PSMA1: variants seen among roughly 807,000 people sequenced by gnomAD.
PSMA1 encodes proteasome 20S subunit alpha 1.
PSMA1 carries 3 observed loss-of-function variants against 38.4 expected under a neutral mutation model. That is an observed-to-expected ratio of 0.08 (90% confidence interval 0.04 to 0.20). The LOEUF (loss-of-function observed/expected upper bound fraction) is 0.20. PSMA1 is among the 10% of genes least tolerant of loss of function. PSMA1 has a pLI of 1.00. For missense variants in PSMA1, 227 were observed against 325.3 expected (o/e 0.70, Z 2.32); for synonymous variants, 101 against 107.1 (o/e 0.94, Z 0.35).
intron 4 of PSMA1, 29 bp downstream of exon 4, chr11:14,517,613 G>A (rs369380164): frequency 6.9e-7 from 1 of 1,449,542 alleles, no homozygotes; most frequent in Non-Finnish European, 9.3e-7. Flanking sequence ...GAAACAAAAA[G>A]GATGTTTATT....
At chr11:14,611,939 G>T (rs1463436712) in intron 1 of PSMA1, among the ~76,000 whole-genome samples, 1 of 152,106 alleles carries the variant, frequency 6.6e-6, no homozygotes, top group East Asian at 1.9e-4. Context: ...GTCTTTATTT[G>T]TGCTGAGTTT....
Position 14,505,905 on chromosome 11 carries a change from G to A in PSMA1, c.736-657C>T, listed in dbSNP as rs181950454. On this transcript the variant is annotated intron_variant, in intron 9 of 9. Transcript: ENST00000396394. ...CCTGTAGTTTCAGCTACTTGGTGGC[G>A]CGGGGGAAGGTAGGAGAATCGCTTG... Among the ~76,000 whole-genome samples, 288 of 152,242 alleles carry A rather than the reference G, an allele frequency of 1.9e-3. 2 individuals are homozygous for A. Among genetic ancestry groups the A allele is most frequent in the African/African-American group, 6.4e-3 (265 of 41,548 alleles).
intron 2 of PSMA1, among the ~76,000 whole-genome samples, chr11:14,589,391 ATG>A (rs1180635712): frequency 2.0e-5 from 3 of 149,630 alleles, no homozygotes; most frequent in South Asian, 2.1e-4. Flanking sequence ...GTGTATATAT[ATG>A]TGTGTGTATA....
At chr11:14,543,625 CCTT>C (rs1238141981) in intron 2 of PSMA1, among the ~76,000 whole-genome samples, 2 of 151,676 alleles carry the variant, frequency 1.3e-5, no homozygotes, top group Admixed American at 6.6e-5. Flanking sequence ...TTTTCTCTGT[CCTT>C]CTGCCATTTT....
intron 2 of PSMA1, among the ~76,000 whole-genome samples, chr11:14,598,261 G>T (rs1027919936): frequency 1.4e-4 from 22 of 152,256 alleles, no homozygotes; most frequent in African/African-American, 5.1e-4. Flanking sequence ...ATGACTATAA[G>T]GTCCGCTTGG....
intron 1 of PSMA1, among the ~76,000 whole-genome samples, chr11:14,633,607 C>T (rs562511082): frequency 5.3e-5 from 8 of 152,316 alleles, no homozygotes; most frequent in South Asian, 2.1e-4. Flanking sequence ...CTGTGCCCTG[C>T]CCCCAGAAGT....
chr11:14,559,243 G>T (rs1851981493), intron 2 of PSMA1, among the ~76,000 whole-genome samples: 1 of 152,146 alleles, frequency 6.6e-6, no homozygotes, highest in African/African-American at 2.4e-5. Context: ...CGAATACAAG[G>T]ATTTGCTGTG....
intron 7 of PSMA1, 64 bp downstream of exon 7, chr11:14,513,502 ATGTT>A (rs1442942887): frequency 2.5e-4 from 318 of 1,279,828 alleles, no homozygotes; most frequent in Non-Finnish European, 2.7e-4. Flanking sequence ...TTAGGATACT[ATGTT>A]TATTTACTAT....
At chr11:14,576,774 G>C (rs1427650913) in intron 2 of PSMA1, among the ~76,000 whole-genome samples, 1 of 152,142 alleles carries the variant, frequency 6.6e-6, no homozygotes, top group African/African-American at 2.4e-5. Flanking sequence ...CTCTGTTTTG[G>C]TTCCACGTGA....
intron 2 of PSMA1, among the ~76,000 whole-genome samples, chr11:14,610,406 T>C (rs1395792557): frequency 3.9e-5 from 6 of 152,134 alleles, no homozygotes; most frequent in Admixed American, 3.9e-4. Context: ...CAGAGGCTAT[T>C]GCCTGTACCT....
At chr11:14,555,723 A>G (rs887517241) in intron 2 of PSMA1, among the ~76,000 whole-genome samples, 1 of 152,134 alleles carries the variant, frequency 6.6e-6, no homozygotes, top group Non-Finnish European at 1.5e-5. Context: ...TCTCCAACAT[A>G]AACCCTTCAC....
At chr11:14,518,964 C>T (rs370695986) in intron 2 of PSMA1, 33 bp downstream of exon 2, 28 of 1,518,510 alleles carry the variant, frequency 1.8e-5, no homozygotes, top group Non-Finnish European at 2.3e-5. Context: ...CAAAAAGCCA[C>T]TTCACAGAAA....
At chr11:14,555,357 C>T (rs914269409) in intron 2 of PSMA1, among the ~76,000 whole-genome samples, 1 of 152,064 alleles carries the variant, frequency 6.6e-6, no homozygotes. Flanking sequence ...TTTTTTTCTA[C>T]CCTAATTTTC....
intron 1 of PSMA1, among the ~76,000 whole-genome samples, chr11:14,640,879 T>C (rs1565066110): frequency 6.6e-6 from 1 of 152,212 alleles, no homozygotes; most frequent in Non-Finnish European, 1.5e-5. Context: ...GTTTCTTTGA[T>C]ATTTAAAATG....
intron 2 of PSMA1, among the ~76,000 whole-genome samples, chr11:14,552,533 AC>A (rs1001096475): frequency 2.6e-5 from 4 of 152,168 alleles, no homozygotes; most frequent in African/African-American, 9.7e-5. Flanking sequence ...AAAATTTTGA[AC>A]CTGAAAAGAT....
Position 14,563,828 on chromosome 11 carries a change from T to G in PSMA1, c.22-44787A>C, listed in dbSNP as rs910816242. Among the ~76,000 whole-genome samples, 38 of 152,222 alleles carry G rather than the reference T, an allele frequency of 2.5e-4. 1 individual carries two copies. The stretch of plus-strand genomic sequence containing the variant: ...CAAATAAATATGCATACTTAATATA[T>G]TTCCTAGTTTCTAAGTTGTACTTTC... On this transcript the variant is annotated intron_variant, in intron 2 of 10. Transcript: ENST00000418988.
At chr11:14,535,902 G>T (rs1397689213) in intron 2 of PSMA1, among the ~76,000 whole-genome samples, 3 of 152,044 alleles carry the variant, frequency 2.0e-5, no homozygotes, top group African/African-American at 7.2e-5. Context: ...TGCAAATACT[G>T]GTTAAGAATC....
At chr11:14,616,071 A>G (rs1452885390) in intron 1 of PSMA1, among the ~76,000 whole-genome samples, 2 of 152,078 alleles carry the variant, frequency 1.3e-5, no homozygotes, top group African/African-American at 4.8e-5. Flanking sequence ...CTGAAGTCTG[A>G]GATGCTTGGC....
chr11:14,583,055 T>C (rs1589999199), intron 2 of PSMA1, among the ~76,000 whole-genome samples: 3 of 152,182 alleles, frequency 2.0e-5, no homozygotes, highest in African/African-American at 4.8e-5. Flanking sequence ...AAGGCCATGT[T>C]TTATTTGGCA....
Sources: allele counts gnomAD v4.1 joint callset (sites outside exome capture counted in the v4.1 genomes callset), GRCh38; gene constraint gnomAD v4.1.1; transcripts MANE v1.5; gene names NCBI Gene and HGNC (gene_info 2026-07-23, HGNC 2026-07-21).